ZFHX3: variants seen among roughly 807,000 people sequenced by gnomAD.
The protein encoded by ZFHX3 is zinc finger homeobox 3, also known as zinc finger homeobox protein 3.
Under a neutral mutation model 279.1 loss-of-function variants are expected in ZFHX3, and 42 were observed. That is an observed-to-expected ratio of 0.15 (90% CI 0.12 to 0.19). The LOEUF is 0.19. ZFHX3 is among the 10% of genes least tolerant of loss of function. The pLI, the probability that ZFHX3 is intolerant of heterozygous loss-of-function variation, is 1.00. For missense variants in ZFHX3, 4,981 were observed against 4,754.0 expected (o/e 1.05, Z -1.40); for synonymous variants, 2,293 against 1,957.8 (o/e 1.17, Z -4.52).
intron 2 of ZFHX3, among the ~76,000 whole-genome samples, chr16:73,584,822 T>A (rs778544383): frequency 3.3e-5 from 5 of 151,740 alleles, no homozygotes; most frequent in Non-Finnish European, 4.4e-5. Flanking sequence ...TGGGAGAAAA[T>A]TTTTGCAATC....
chr16:73,382,341 T>G (rs537607941), intron 3 of ZFHX3, among the ~76,000 whole-genome samples: 13 of 152,164 alleles, frequency 8.5e-5, no homozygotes, highest in Non-Finnish European at 4.4e-5. Context: ...AGATAACAGA[T>G]TTGAGAAGAA....
In ZFHX3 at chr16:72,889,634, T is replaced by A. The variant is rs113571451; in HGVS notation, c.3448+97A>T. The A allele has an allele frequency of 2.6e-6, 3 of 1,154,640 alleles. No individual in the cohort carries two copies. In the African/African-American group the frequency reaches 4.6e-5, roughly 18 times the overall value. 71.5% of individuals were successfully genotyped at this position (1,154,640 alleles called of 1,614,324 possible). A position where few individuals can be genotyped will look rare whatever the true frequency, so the allele number is the denominator to read the frequency against. On this transcript the variant is annotated intron_variant, in intron 4 of 9. Transcript: ENST00000268489. ...GTAAGGAACATGAGGACCAGCTGGATCAGTAACGTCTCCCTCAAACAGAAG... is the reference window on the plus strand; with the variant it reads ...GTAAGGAACATGAGGACCAGCTGGAACAGTAACGTCTCCCTCAAACAGAAG...
chr16:73,593,544 T>A (rs971861602), intron 2 of ZFHX3, among the ~76,000 whole-genome samples: 1 of 125,084 alleles, frequency 8.0e-6, no homozygotes, highest in South Asian at 2.3e-4. Flanking sequence ...AATTGAAATA[T>A]AGTATTCAGA....
intron 1 of ZFHX3, among the ~76,000 whole-genome samples, chr16:73,025,402 A>G (rs1480446256): frequency 2.0e-5 from 3 of 152,214 alleles, no homozygotes; most frequent in African/African-American, 4.8e-5. Flanking sequence ...GTCAAGTGTC[A>G]GCAAGTAAAT....
chr16:73,862,331 T>C (rs1961902632), intron 1 of ZFHX3, among the ~76,000 whole-genome samples: 1 of 152,202 alleles, frequency 6.6e-6, no homozygotes, highest in Admixed American at 6.5e-5. Context: ...GAATTCTGTT[T>C]TTGGTAACTA....
intron 1 of ZFHX3, among the ~76,000 whole-genome samples, chr16:73,818,061 G>C (rs74028499): frequency 4.2e-4 from 64 of 152,224 alleles, no homozygotes; most frequent in African/African-American, 1.5e-3. Flanking sequence ...GAGAGGCCAG[G>C]GTAAATTTAT....
intron 1 of ZFHX3, among the ~76,000 whole-genome samples, chr16:73,861,176 G>A (rs1961873608): frequency 6.6e-6 from 1 of 151,862 alleles, no homozygotes; most frequent in Non-Finnish European, 1.5e-5. Context: ...ATGTTGCCCA[G>A]GCTGGTCTTG....
At chr16:73,578,440 A>G (rs1667573715) in intron 2 of ZFHX3, among the ~76,000 whole-genome samples, 1 of 151,926 alleles carries the variant, frequency 6.6e-6, no homozygotes, top group Non-Finnish European at 1.5e-5. Flanking sequence ...GGAAACTTTG[A>G]GCAAAGAAAT....
chr16:73,427,003 G>A (rs544077842), intron 3 of ZFHX3, among the ~76,000 whole-genome samples: 9 of 152,268 alleles, frequency 5.9e-5, no homozygotes, highest in African/African-American at 1.9e-4. Context: ...CTACCCTGAC[G>A]ATGCCATTTT....
chr16:73,021,422 T>C (rs62055062), intron 1 of ZFHX3, among the ~76,000 whole-genome samples: 10,792 of 152,214 alleles, frequency 0.071, 453 homozygotes, highest in Non-Finnish European at 0.093. Flanking sequence ...TCGAATAGCA[T>C]CCCTCCTAGA....
intron 4 of ZFHX3, among the ~76,000 whole-genome samples, chr16:72,878,336 A>G (rs1184562683): frequency 6.6e-6 from 1 of 152,128 alleles, no homozygotes; most frequent in Non-Finnish European, 1.5e-5. Context: ...CTCATCACAC[A>G]CGCACTTCAC....
chr16:73,269,804 G>A (rs774425363), intron 4 of ZFHX3, among the ~76,000 whole-genome samples: 3 of 151,114 alleles, frequency 2.0e-5, no homozygotes, highest in Non-Finnish European at 4.4e-5. Context: ...GCTGGAGTGC[G>A]GTGGCGTGAT....
chr16:73,723,606 A>G (rs2053494385), intron 1 of ZFHX3, among the ~76,000 whole-genome samples: 1 of 152,262 alleles, frequency 6.6e-6, no homozygotes, highest in Non-Finnish European at 1.5e-5. Context: ...TGGTCATCAC[A>G]TAAAAATAGG....
chr16:73,172,816 G>A (rs964556581), intron 5 of ZFHX3, among the ~76,000 whole-genome samples: 6 of 152,140 alleles, frequency 3.9e-5, no homozygotes, highest in Non-Finnish European at 7.4e-5. Flanking sequence ...TAGGAGTGAA[G>A]GACCATGGGT....
At chr16:73,416,376 ACAGT>A (rs1391217882) in intron 3 of ZFHX3, among the ~76,000 whole-genome samples, 6 of 152,154 alleles carry the variant, frequency 3.9e-5, no homozygotes, top group East Asian at 3.9e-4. Context: ...AATGTTGTAG[ACAGT>A]CAGCCCAAAG....
At chr16:73,521,585 G>A (rs778269325) in intron 2 of ZFHX3, among the ~76,000 whole-genome samples, 29 of 151,928 alleles carry the variant, frequency 1.9e-4, no homozygotes, top group Admixed American at 5.2e-4. Context: ...TCTCCTTTTC[G>A]CCGGTGGCTC....
chr16:73,458,367 T>A (rs1216826431), intron 2 of ZFHX3, among the ~76,000 whole-genome samples: 4 of 110,014 alleles, frequency 3.6e-5, no homozygotes, highest in Admixed American at 1.2e-4. Flanking sequence ...CTTTCCTCCC[T>A]CCTTCCTCCC....
At chr16:73,395,627 C>A (rs2017111922) in intron 3 of ZFHX3, among the ~76,000 whole-genome samples, 1 of 152,066 alleles carries the variant, frequency 6.6e-6, no homozygotes, top group Admixed American at 6.6e-5. Flanking sequence ...TGTCTCCTAA[C>A]TATTAGCAAA....
chr16:73,234,843 G>A (rs1055428552), intron 5 of ZFHX3, among the ~76,000 whole-genome samples: 6 of 152,184 alleles, frequency 3.9e-5, no homozygotes, highest in Admixed American at 3.3e-4. Context: ...CTCAGCCTTT[G>A]AAGTGATAGA....
Sources: allele counts gnomAD v4.1 joint callset (sites outside exome capture counted in the v4.1 genomes callset), GRCh38; gene constraint gnomAD v4.1.1; transcripts MANE v1.5; gene names NCBI Gene and HGNC (gene_info 2026-07-23, HGNC 2026-07-21).